Variants in RASA1 observed in about 807,000 individuals in gnomAD.
The protein encoded by RASA1 is ras GTPase-activating protein 1.
Under a neutral mutation model 132.2 loss-of-function variants are expected in RASA1, and 25 were observed. The ratio of observed to expected loss-of-function variants is 0.19; its 90% CI spans 0.14 to 0.26. RASA1 has a LOEUF of 0.26. Ranked by LOEUF, RASA1 falls within the 10% of genes least tolerant of loss-of-function variation. The probability of loss-of-function intolerance (pLI) is 1.00; values close to 1 mark genes in which losing one functional copy is unlikely to be tolerated. For synonymous variants in RASA1, 477 were observed against 449.9 expected (o/e 1.06, Z -0.76); for missense variants, 964 against 1,299.2 (o/e 0.74, Z 3.97).
At chr5:87,323,159 G>A (rs1756952420) in intron 1 of RASA1, among the ~76,000 whole-genome samples, 1 of 152,110 alleles carries the variant, frequency 6.6e-6, no homozygotes, top group South Asian at 2.1e-4. Flanking sequence ...TGAGGAAAAG[G>A]CACGTAGAAA....
Position 87,391,061 on chromosome 5 carries a change from G to GAA in RASA1, c.*178_*179insAA. 2.9e-6 allele frequency: 2 copies of GAA among 696,538 alleles called. No homozygotes were observed. Among genetic ancestry groups the GAA allele is most frequent in the Non-Finnish European group, 5.2e-6 (2 of 385,928 alleles). The allele number at this position is 696,538 out of a possible 1,614,324, so 43.1% of individuals were successfully genotyped here. ...GGTGAATAACTATGCCAGCAACCTT[G>GAA]TAAGCTATCTGTGCAGGATATTTGC... On this transcript the variant is annotated 3_prime_UTR_variant, in exon 25 of 25. Transcript: ENST00000274376.
chr5:87,306,315 C>T (rs934738908), intron 1 of RASA1, among the ~76,000 whole-genome samples: 32 of 152,184 alleles, frequency 2.1e-4, no homozygotes, highest in East Asian at 5.8e-4. Context: ...ATGTCCTTTG[C>T]GGGGACATGG....
chr5:87,353,095 T>A, intron 8 of RASA1, 62 bp from the exon 9 acceptor site: 1 of 1,343,424 alleles, frequency 7.4e-7, no homozygotes, highest in East Asian at 2.3e-5. Flanking sequence ...AGTTTACACA[T>A]ATTTTTAAAG....
At chr5:87,367,904 C>T (rs1345354316) in intron 11 of RASA1, among the ~76,000 whole-genome samples, 1 of 152,046 alleles carries the variant, frequency 6.6e-6, no homozygotes, top group Non-Finnish European at 1.5e-5. Flanking sequence ...TCTCACACAA[C>T]TTTCTCTGGA....
intron 6 of RASA1, among the ~76,000 whole-genome samples, chr5:87,345,890 A>T (rs1253343322): frequency 6.6e-6 from 1 of 152,142 alleles, no homozygotes; most frequent in Non-Finnish European, 1.5e-5. Context: ...AGATGTGTTA[A>T]TCAGCAAGAT....
At chr5:87,281,941 T>C (rs995098157) in intron 1 of RASA1, among the ~76,000 whole-genome samples, 2 of 152,202 alleles carry the variant, frequency 1.3e-5, no homozygotes, top group African/African-American at 4.8e-5. Flanking sequence ...ATGTTCTTGA[T>C]ATTAATCCCC....
chr5:87,318,170 A>G (rs1756490432), intron 1 of RASA1, among the ~76,000 whole-genome samples: 1 of 152,190 alleles, frequency 6.6e-6, no homozygotes, highest in African/African-American at 2.4e-5. Flanking sequence ...CTGAGCTTCT[A>G]TTATAACCCC....
chr5:87,285,019 G>A (rs944386818), intron 1 of RASA1, among the ~76,000 whole-genome samples: 5 of 150,532 alleles, frequency 3.3e-5, no homozygotes, highest in Admixed American at 6.6e-5. Flanking sequence ...AAAGTGCTGC[G>A]GAGATAATGG....
chr5:87,278,569 A>G (rs1243873631), intron 1 of RASA1, among the ~76,000 whole-genome samples: 1 of 151,972 alleles, frequency 6.6e-6, no homozygotes, highest in African/African-American at 2.4e-5. Flanking sequence ...AGAAAAAGTA[A>G]TAAGTTAGAG....
chr5:87,271,257 A>G (rs1433821667), intron 1 of RASA1, among the ~76,000 whole-genome samples: 4 of 152,082 alleles, frequency 2.6e-5, no homozygotes, highest in African/African-American at 4.8e-5. Flanking sequence ...CAAACAAACA[A>G]AAAAACAATA....
chr5:87,318,982 A>G (rs1350736893), intron 1 of RASA1: 1 of 152,348 alleles, frequency 6.6e-6, no homozygotes, highest in East Asian at 1.9e-4. Flanking sequence ...CAAATGGGAG[A>G]AATAGCCAAA....
At chr5:87,304,440 T>C (rs1473992016) in intron 1 of RASA1, among the ~76,000 whole-genome samples, 4 of 152,146 alleles carry the variant, frequency 2.6e-5, no homozygotes, top group African/African-American at 9.7e-5. Context: ...TTCTGCTTTT[T>C]GCATTATTGC....
intron 5 of RASA1, among the ~76,000 whole-genome samples, chr5:87,339,773 G>A (rs1487438994): frequency 6.6e-6 from 1 of 152,126 alleles, no homozygotes; most frequent in Non-Finnish European, 1.5e-5. Flanking sequence ...TAAATTAATA[G>A]TGGAGTAATT....
intron 1 of RASA1, among the ~76,000 whole-genome samples, chr5:87,279,682 A>G (rs1424782251): frequency 6.6e-6 from 1 of 152,082 alleles, no homozygotes; most frequent in East Asian, 1.9e-4. Context: ...ATCATTTTTT[A>G]TTTTAGCCTT....
chr5:87,283,338 A>G lies in RASA1; in HGVS notation c.539+14348A>G, dbSNP rs570159586. On this transcript the variant is annotated intron_variant, in intron 1 of 24. Coordinates refer to ENST00000274376, the MANE Select transcript of RASA1 (RefSeq NM_002890.3). Reference sequence around the variant, plus strand: ...TTTCCAACATCTAATACACATCAACATTAACATGTTTATTTTCTTTTTCTC... The same window carrying G: ...TTTCCAACATCTAATACACATCAACGTTAACATGTTTATTTTCTTTTTCTC... 3.5e-3 allele frequency among the ~76,000 whole-genome samples: 539 copies of G among 152,026 alleles called. 3 individuals are homozygous for G. Among genetic ancestry groups the G allele is most frequent in the African/African-American group, 0.012 (505 of 41,522 alleles).
intron 1 of RASA1, among the ~76,000 whole-genome samples, chr5:87,312,678 A>G (rs1756010520): frequency 6.6e-6 from 1 of 152,206 alleles, no homozygotes; most frequent in Non-Finnish European, 1.5e-5. Context: ...TCTCAGGGAT[A>G]TCTGGAACTG....
At chr5:87,390,567 G>A (rs1284269915) in intron 24 of RASA1, among the ~76,000 whole-genome samples, 1 of 152,122 alleles carries the variant, frequency 6.6e-6, no homozygotes, top group Non-Finnish European at 1.5e-5. Context: ...AAAAATAGGA[G>A]CATGCCAAAC....
At chr5:87,381,211 T>A (rs1761690944) in intron 20 of RASA1, among the ~76,000 whole-genome samples, 1 of 152,206 alleles carries the variant, frequency 6.6e-6, no homozygotes, top group Admixed American at 6.5e-5. Flanking sequence ...ATTTTTCCAA[T>A]GAAGAAGCAG....
chr5:87,287,078 T>C (rs1489743530), intron 1 of RASA1, among the ~76,000 whole-genome samples: 4 of 144,896 alleles, frequency 2.8e-5, no homozygotes, highest in Non-Finnish European at 6.0e-5. Flanking sequence ...ACACCATATA[T>C]ACACACCATA....
Sources: gnomAD v4.1 joint callset for allele counts (sites outside exome capture counted in the v4.1 genomes callset) on GRCh38, gnomAD v4.1.1 for gene constraint, MANE v1.5 for transcripts, NCBI Gene and HGNC (gene_info 2026-07-23, HGNC 2026-07-21) for gene names.